Variants in RBFOX1 observed in about 807,000 individuals in gnomAD.
RBFOX1 encodes the protein RNA binding fox-1 homolog 1, also known as RNA binding protein fox-1 homolog 1.
In RBFOX1, 8 loss-of-function variants were observed where a neutral mutation model predicts 57.7. That is an observed-to-expected ratio of 0.14 (90% confidence interval 0.08 to 0.25). RBFOX1 has a LOEUF of 0.25. Among genes scored for constraint, RBFOX1 ranks in the 10% least tolerant of loss-of-function variants. The probability of loss-of-function intolerance (pLI) is 1.00; values close to 1 mark genes in which losing one functional copy is unlikely to be tolerated. For synonymous variants in RBFOX1, 326 were observed against 222.4 expected (o/e 1.47, Z -4.15); for missense variants, 611 against 548.5 (o/e 1.11, Z -1.14).
At chr16:6,115,433 T>C (rs1567491086) in intron 1 of RBFOX1, among the ~76,000 whole-genome samples, 2 of 151,972 alleles carry the variant, frequency 1.3e-5, no homozygotes, top group Non-Finnish European at 2.9e-5. Context: ...ATTGAAGCCA[T>C]ATGCAGTAGT....
At chr16:5,846,593 G>T (rs748992609) in intron 3 of RBFOX1, among the ~76,000 whole-genome samples, 2 of 152,182 alleles carry the variant, frequency 1.3e-5, no homozygotes, top group Non-Finnish European at 2.9e-5. Context: ...CCAGTGAGCT[G>T]TGGAGCTGAG....
intron 3 of RBFOX1, among the ~76,000 whole-genome samples, chr16:6,876,910 G>T (rs548759211): frequency 1.3e-5 from 2 of 152,044 alleles, no homozygotes; most frequent in African/African-American, 2.4e-5. Flanking sequence ...CCAAGTACTG[G>T]GTACACTATT....
At chr16:7,476,100 G>A (rs1045484996) in intron 4 of RBFOX1, among the ~76,000 whole-genome samples, 1 of 152,002 alleles carries the variant, frequency 6.6e-6, no homozygotes, top group African/African-American at 2.4e-5. Flanking sequence ...TGAGTAGCTG[G>A]GACCACTAGC....
At chr16:5,685,797 C>G (rs1255374939) in intron 3 of RBFOX1, among the ~76,000 whole-genome samples, 1 of 152,158 alleles carries the variant, frequency 6.6e-6, no homozygotes, top group Non-Finnish European at 1.5e-5. Flanking sequence ...CAGACAGAAC[C>G]TAACAGATCT....
At chr16:7,301,107 A>G (rs2142001768) in intron 4 of RBFOX1, among the ~76,000 whole-genome samples, 1 of 152,264 alleles carries the variant, frequency 6.6e-6, no homozygotes, top group East Asian at 1.9e-4. Context: ...TGCTATCCCC[A>G]GATGCGGTTT....
At chr16:6,487,658 T>C (rs1359653966) in intron 2 of RBFOX1, among the ~76,000 whole-genome samples, 1 of 117,018 alleles carries the variant, frequency 8.5e-6, no homozygotes, top group African/African-American at 3.5e-5. Context: ...CTTCCAAAGA[T>C]GGCAGTGATA....
At chr16:7,343,388 G>A (rs1287557981) in intron 4 of RBFOX1, among the ~76,000 whole-genome samples, 1 of 152,132 alleles carries the variant, frequency 6.6e-6, no homozygotes. Flanking sequence ...AGAGTGACAG[G>A]GGGCGGGACC....
At chr16:6,810,763 G>C (rs1472588779) in intron 3 of RBFOX1, among the ~76,000 whole-genome samples, 2 of 152,128 alleles carry the variant, frequency 1.3e-5, no homozygotes, top group East Asian at 3.9e-4. Context: ...AGCAAGAGCA[G>C]AGAGAACTGC....
chr16:6,820,998 G>A (rs1488284680), intron 3 of RBFOX1, among the ~76,000 whole-genome samples: 1 of 152,124 alleles, frequency 6.6e-6, no homozygotes, highest in Non-Finnish European at 1.5e-5. Flanking sequence ...TACTTGTAAG[G>A]GAGTCTTAGG....
chr16:5,932,778 C>T (rs2059090623), intron 4 of RBFOX1, among the ~76,000 whole-genome samples: 1 of 152,090 alleles, frequency 6.6e-6, no homozygotes, highest in South Asian at 2.1e-4. Flanking sequence ...CTGAAGAATT[C>T]ACATACTCAT....
Position 7,237,110 on chromosome 16 carries a change from C to G in RBFOX1, c.27+185012C>G, listed in dbSNP as rs1239454838. Among the ~76,000 whole-genome samples the G allele has an allele frequency of 2.6e-5, 4 of 152,294 alleles. No individual in the cohort carries two copies. In the East Asian group the frequency reaches 7.7e-4, roughly 29 times the overall value. Reference sequence around the variant, plus strand: ...GGTGGCAGCCAGCTACTTTCCAAAACTTCCCAGGGGCTGCAATACAGCCGC... The same window carrying G: ...GGTGGCAGCCAGCTACTTTCCAAAAGTTCCCAGGGGCTGCAATACAGCCGC... On this transcript the variant is annotated intron_variant, in intron 4 of 15. Coordinates refer to ENST00000550418, the MANE Select transcript of RBFOX1 (RefSeq NM_018723.4).
chr16:6,556,034 C>A (rs944269965), intron 2 of RBFOX1, among the ~76,000 whole-genome samples: 8 of 152,134 alleles, frequency 5.3e-5, no homozygotes, highest in Admixed American at 5.2e-4. Context: ...TACTTTGAGG[C>A]ACTAGGGCAT....
intron 5 of RBFOX1, among the ~76,000 whole-genome samples, chr16:7,570,565 G>A (rs1480112329): frequency 6.6e-6 from 1 of 152,182 alleles, no homozygotes; most frequent in Non-Finnish European, 1.5e-5. Context: ...AGGCTCAGAA[G>A]GATGTACATA....
chr16:6,923,480 C>T (rs530544333), intron 3 of RBFOX1, among the ~76,000 whole-genome samples: 1 of 152,076 alleles, frequency 6.6e-6, no homozygotes, highest in Non-Finnish European at 1.5e-5. Flanking sequence ...AGGCAGTGAG[C>T]CAATATCACA....
At chr16:5,544,941 C>G (rs943653700) in intron 2 of RBFOX1, among the ~76,000 whole-genome samples, 8 of 134,360 alleles carry the variant, frequency 6.0e-5, no homozygotes, top group African/African-American at 1.8e-4. Flanking sequence ...GATGGCCTTA[C>G]TATTACATTC....
chr16:7,047,108 A>T (rs1365430523), intron 3 of RBFOX1, among the ~76,000 whole-genome samples: 2 of 148,356 alleles, frequency 1.3e-5, no homozygotes, highest in East Asian at 4.0e-4. Context: ...GAGTCCAGTC[A>T]CCTATTAACA....
In RBFOX1 at chr16:5,755,877, C is replaced by T. The variant is rs553508901; in HGVS notation, c.319-111426C>T. ...CCTCCCAAAGTGCTGGAATTACAGG[C>T]GTGAGCTCTTGCACCCGGCCTCTAA... On this transcript the variant is annotated intron_variant, in intron 3 of 19. Transcript: ENST00000641259. Among the ~76,000 whole-genome samples, 88 of 152,230 alleles carry T rather than the reference C, an allele frequency of 5.8e-4. 2 individuals carry two copies. In the South Asian group the frequency reaches 0.017, roughly 30 times the overall value.
At chr16:5,736,178 A>T (rs1189609447) in intron 3 of RBFOX1, among the ~76,000 whole-genome samples, 1 of 152,032 alleles carries the variant, frequency 6.6e-6, no homozygotes, top group African/African-American at 2.4e-5. Flanking sequence ...CTTTGCCACA[A>T]GCCTGCCACC....
intron 4 of RBFOX1, among the ~76,000 whole-genome samples, chr16:7,417,528 TTGTG>T (rs545621108): frequency 1.8e-3 from 126 of 68,444 alleles, no homozygotes; most frequent in South Asian, 8.1e-3. Context: ...TCACATGGTA[TTGTG>T]TGTGTGTGTG....
Sources: allele counts gnomAD v4.1 joint callset (sites outside exome capture counted in the v4.1 genomes callset), GRCh38; gene constraint gnomAD v4.1.1; transcripts MANE v1.5; gene names NCBI Gene and HGNC (gene_info 2026-07-23, HGNC 2026-07-21).